Variants in BBS2 observed in about 807,000 individuals in gnomAD.
BBS2 encodes BBSome complex member BBS2.
Under a neutral mutation model 83.0 loss-of-function variants are expected in BBS2, and 62 were observed. The observed-to-expected ratio is 0.75, with a 90% confidence interval of 0.61 to 0.92. The LOEUF is 0.92. Ranked by LOEUF, BBS2 falls within the 40% of genes least tolerant of loss-of-function variation. BBS2 has a pLI of 0.00. For synonymous variants in BBS2, 303 were observed against 326.1 expected, an observed-to-expected ratio of 0.93 and a Z score of 0.76; for missense variants, 784 against 901.0, an observed-to-expected ratio of 0.87 and a Z score of 1.66.
chr16:56,487,676 C>G (rs941409646), intron 15 of BBS2, among the ~76,000 whole-genome samples: 3 of 152,160 alleles, frequency 2.0e-5, no homozygotes, highest in African/African-American at 7.2e-5. Context: ...AGCATCAGTT[C>G]TCCCTAAGTT....
chr16:56,504,915 C>A (rs1964382116), intron 7 of BBS2, among the ~76,000 whole-genome samples: 1 of 152,132 alleles, frequency 6.6e-6, no homozygotes, highest in Admixed American at 6.5e-5. Context: ...AGGGCAGAGC[C>A]CCCATGAACA....
intron 2 of BBS2, 140 bp from the exon 3 acceptor site, chr16:56,511,424 T>G (rs1354093611): frequency 6.3e-6 from 7 of 1,108,478 alleles, no homozygotes; most frequent in Non-Finnish European, 9.4e-6. Flanking sequence ...CCTCACACAT[T>G]AACTGGCCCA....
At chr16:56,478,629 C>T (rs1173916104) in intron 17 of BBS2, 6 of 152,162 alleles carry the variant, frequency 3.9e-5, no homozygotes, top group Non-Finnish European at 8.8e-5. Context: ...TAGTTTGAGA[C>T]TCATGGCTGT....
At chr16:56,509,149 G>A (rs1315175684) in intron 5 of BBS2, among the ~76,000 whole-genome samples, 1 of 152,216 alleles carries the variant, frequency 6.6e-6, no homozygotes, top group Admixed American at 6.5e-5. Context: ...TGAGGAGGAA[G>A]GGGCATAAAG....
intron 15 of BBS2, among the ~76,000 whole-genome samples, chr16:56,496,749 A>G (rs979239584): frequency 6.6e-6 from 1 of 152,264 alleles, no homozygotes; most frequent in Admixed American, 6.5e-5. Context: ...GTTTATAAGC[A>G]TACATATAAC....
chr16:56,476,304 G>C, intron 17 of BBS2: 1 of 1,128,902 alleles, frequency 8.9e-7, no homozygotes, highest in Non-Finnish European at 1.3e-6. Context: ...ATGGTAGCTT[G>C]CCTGACAGTG....
At chr16:56,492,599 T>C in intron 15 of BBS2, among the ~76,000 whole-genome samples, 1 of 152,196 alleles carries the variant, frequency 6.6e-6, no homozygotes, top group South Asian at 2.1e-4. Flanking sequence ...TCAACGATAA[T>C]GTATTATACA....
chr16:56,485,687 C>A lies in BBS2; in HGVS notation c.1962G>T (p.Leu654Phe), dbSNP rs1597001822. The A allele has an allele frequency of 6.2e-7, 1 of 1,613,608 alleles. No homozygotes were observed. Among genetic ancestry groups the A allele is most frequent in the East Asian group, 2.2e-5 (1 of 44,866 alleles). Residue 654 changes from leucine (L) to phenylalanine (F), a missense_variant, in exon 16 of 17, where the codon TTG (leucine) becomes TTT (phenylalanine). Physicochemically the swap from Leu to Phe is conservative, Grantham distance 22. Coordinates refer to ENST00000245157, the MANE Select transcript of BBS2 (RefSeq NM_031885.5). ...YMELYDLNRD[L>F]LNGYKIRCNN... is the part of the protein sequence containing the mutation. ...TACAGCGAATTTTATATCCATTTAG[C>A]AAGTCTCTATTAAGGTCATAGAGTT...
chr16:56,477,264 A>G (rs1335595782), intron 17 of BBS2: 1 of 152,234 alleles, frequency 6.6e-6, no homozygotes, highest in East Asian at 1.9e-4. Flanking sequence ...GAGTCATCAC[A>G]TTTCCTCCCA....
In BBS2 at chr16:56,499,771, TACTC is replaced by T. The variant is rs1964208752; in HGVS notation, c.1527+3_1527+6del. 3 of 1,613,920 alleles carry T rather than the reference TACTC, an allele frequency of 1.9e-6. No homozygotes were observed. Among genetic ancestry groups the T allele is most frequent in the Non-Finnish European group, 2.5e-6 (3 of 1,179,942 alleles). On this transcript the variant is annotated splice_donor_5th_base_variant and intron_variant, in intron 12 of 16. Transcript: ENST00000245157. ...AAAGCATTGAAAGAGAAAAGCGAGATACTCACCCTCTGTGCCCGTTCTGCAATGG... is the reference window on the plus strand; with the variant it reads ...AAAGCATTGAAAGAGAAAAGCGAGATACCCTCTGTGCCCGTTCTGCAATGG...
rs1470719310 is a variant in BBS2, at chr16:56,519,919, G to A, written c.-57C>T. On this transcript the variant is annotated 5_prime_UTR_variant, in exon 1 of 17. Coordinates refer to ENST00000245157, the MANE Select transcript of BBS2 (RefSeq NM_031885.5). ...AGCTGGAGACAAGCGCAGCGGAGCT[G>A]GCCTCACGCGCCCGGGCAAGAAGTG... is the stretch of plus-strand genomic sequence containing the variant. 58 of 1,462,360 alleles carry A rather than the reference G, an allele frequency of 4.0e-5. No individual in the cohort carries two copies. Among genetic ancestry groups the A allele is most frequent in the Non-Finnish European group, 4.3e-5 (45 of 1,045,302 alleles). 90.6% of individuals were successfully genotyped at this position (1,462,360 alleles called of 1,614,324 possible).
chr16:56,472,827 C>T (rs930466319), intron 17 of BBS2, among the ~76,000 whole-genome samples: 2 of 152,062 alleles, frequency 1.3e-5, no homozygotes, highest in Non-Finnish European at 2.9e-5. Flanking sequence ...TTTCATAAAC[C>T]TCTTTCTGAT....
intron 15 of BBS2, among the ~76,000 whole-genome samples, chr16:56,490,707 A>AATT (rs552789227): frequency 2.6e-5 from 4 of 152,118 alleles, no homozygotes; most frequent in Non-Finnish European, 5.9e-5. Flanking sequence ...ATTTTCTTAT[A>AATT]ATTTGACTAT....
intron 7 of BBS2, 105 bp downstream of exon 7, chr16:56,505,845 G>A (rs1345351639): frequency 1.2e-5 from 10 of 858,952 alleles, no homozygotes; most frequent in African/African-American, 3.3e-5. Context: ...GCCAAGGAAC[G>A]AACTGAAGTT....
chr16:56,503,565 T>C (rs1312936981), intron 7 of BBS2, among the ~76,000 whole-genome samples: 1 of 151,968 alleles, frequency 6.6e-6, no homozygotes, highest in Non-Finnish European at 1.5e-5. Context: ...AACAAATAAA[T>C]AAATGACTGA....
At chr16:56,474,067 G>A (rs1412067154) in intron 17 of BBS2, among the ~76,000 whole-genome samples, 1 of 151,852 alleles carries the variant, frequency 6.6e-6, no homozygotes, top group Non-Finnish European at 1.5e-5. Flanking sequence ...CCTCAGAGGA[G>A]TACTAACCTT....
chr16:56,518,403 G>A (rs1286162915), intron 1 of BBS2, among the ~76,000 whole-genome samples: 1 of 152,158 alleles, frequency 6.6e-6, no homozygotes, highest in African/African-American at 2.4e-5. Flanking sequence ...TCTCTGAACT[G>A]CAATTTCTAG....
intron 15 of BBS2, among the ~76,000 whole-genome samples, chr16:56,490,486 C>T (rs768983889): frequency 6.6e-6 from 1 of 151,708 alleles, no homozygotes; most frequent in Non-Finnish European, 1.5e-5. Context: ...GGTGAAACCT[C>T]GTCTCTACTA....
chr16:56,507,128 C>T (rs1005660682), intron 5 of BBS2, among the ~76,000 whole-genome samples: 1 of 152,206 alleles, frequency 6.6e-6, no homozygotes, highest in African/African-American at 2.4e-5. Context: ...GACAATACTT[C>T]ATACTGTTCA....
Sources: allele counts gnomAD v4.1 joint callset (sites outside exome capture counted in the v4.1 genomes callset), GRCh38; gene constraint gnomAD v4.1.1; transcripts MANE v1.5; gene names NCBI Gene and HGNC (gene_info 2026-07-23, HGNC 2026-07-21).